The following ABCB6 variants were observed in gnomAD, a reference collection of about 807,000 sequenced individuals.
The protein encoded by ABCB6 is ATP-binding cassette sub-family B member 6.
In ABCB6, 87 loss-of-function variants were observed where a neutral mutation model predicts 99.4. That is an observed-to-expected ratio of 0.88 (90% CI 0.74 to 1.05). The LOEUF (loss-of-function observed/expected upper bound fraction) is 1.05. Ranked by LOEUF, ABCB6 falls within the 50% of genes least tolerant of loss-of-function variation. ABCB6 has a pLI of 0.00. For missense variants in ABCB6, 1,050 were observed against 1,097.9 expected (o/e 0.96, Z 0.62); for synonymous variants, 482 against 447.5 (o/e 1.08, Z -0.97).
intron 18 of ABCB6, 69 bp from the exon 19 acceptor site, chr2:219,210,115 C>G (rs1950556709): frequency 6.3e-7 from 1 of 1,598,408 alleles, no homozygotes; most frequent in South Asian, 1.1e-5. Flanking sequence ...CACCAGCCCA[C>G]AGAGAGGACG....
At position 219,216,201 on chromosome 2, in the gene ABCB6, C is replaced by T. The variant is rs1476371334; in HGVS notation, c.971-21G>A. On this transcript the variant is annotated intron_variant, in intron 4 of 18. Transcript: ENST00000265316. The surrounding 1 kb of genome is among the most constrained non-coding windows in gnomAD (Gnocchi z 4.2). ...GAAGCCTGCAGGGAGCCGGGGGACG[C>T]CTCAGTAGGGCCTGGGAGCTGAGGG... is the stretch of plus-strand genomic sequence containing the variant. 6.3e-7 allele frequency: 1 copy of T among 1,575,904 alleles called. No individual in the cohort carries two copies. Among genetic ancestry groups the T allele is most frequent in the Admixed American group, 1.8e-5 (1 of 56,742 alleles).
At chr2:219,211,669 CT>C (rs1950581198) in intron 14 of ABCB6, among the ~76,000 whole-genome samples, 3 of 128,822 alleles carry the variant, frequency 2.3e-5, no homozygotes, top group Admixed American at 8.5e-5. Context: ...GAGACAGGGC[CT>C]TGCTCTGTCA....
rs754628708 is a variant in ABCB6 at position 219,213,713 on chromosome 2, C to T, written c.1579-47G>A. 95 of 1,613,420 alleles carry T rather than the reference C, an allele frequency of 5.9e-5. No individual in the cohort carries two copies. In the East Asian group the frequency reaches 1.7e-3, roughly 28 times the overall value. On this transcript the variant is annotated intron_variant, in intron 9 of 18. Coordinates refer to ENST00000265316, the MANE Select transcript of ABCB6 (RefSeq NM_005689.4). The stretch of plus-strand genomic sequence containing the variant: ...AGCATGTCACGGGGGGCCTGCAGGC[C>T]GCTCTTCTTGTGTCACCCTGCCCAC...
intron 12 of ABCB6, 82 bp from the exon 13 acceptor site, chr2:219,213,147 C>T (rs750467585): frequency 6.2e-7 from 1 of 1,604,566 alleles, no homozygotes; most frequent in Non-Finnish European, 8.5e-7. Flanking sequence ...CCTGCCCAGG[C>T]TCTTTTCCAA....
Position 219,218,725 on chromosome 2 carries a change from G to T in ABCB6, c.-52C>A. On this transcript the variant is annotated 5_prime_UTR_variant, in exon 1 of 19. Transcript: ENST00000265316. ...TGCGGGCACTGCGGGACCGGAGGCC[G>T]GGACTGGTCACTCGGAGAGGGGCGC... 6.7e-7 allele frequency: 1 copy of T among 1,489,930 alleles called. No individual in the cohort carries two copies. The allele number at this position is 1,489,930 out of a possible 1,614,324, so 92.3% of individuals were successfully genotyped here. A position where few individuals can be genotyped will look rare whatever the true frequency, so the allele number is the denominator to read the frequency against.
chr2:219,218,837 C>T lies in ABCB6; in HGVS notation c.-164G>A. On this transcript the variant is annotated 5_prime_UTR_variant, in exon 1 of 19. Coordinates refer to ENST00000265316, the MANE Select transcript of ABCB6 (RefSeq NM_005689.4). ...GGGACGCACGTGGACCAGGCCTCAC[C>T]GCCCACTCCCCTAGCGCACGCGCCG... 1.4e-6 allele frequency: 1 copy of T among 716,894 alleles called. No homozygotes were observed. The highest frequency in any genetic ancestry group is 2.2e-6 in the Non-Finnish European group (1 of 464,664). 44.4% of individuals were successfully genotyped at this position (716,894 alleles called of 1,614,324 possible).
At position 219,216,783 on chromosome 2, in the gene ABCB6, A is replaced by G; in HGVS notation, c.737T>C (p.Leu246Pro). The G allele has an allele frequency of 6.2e-7, 1 of 1,612,770 alleles. No homozygotes were observed. The highest frequency in any genetic ancestry group is 8.5e-7 in the Non-Finnish European group (1 of 1,179,644). The change falls in exon 3 of 19, where the codon CTC (leucine) becomes CCC (proline). Residue 246 changes from leucine to proline, a missense_variant. Physicochemically the swap from Leu to Pro is moderately conservative, Grantham distance 98. Transcript: ENST00000265316. This position sits in a 1 kb window ranked among gnomAD's most constrained non-coding sequence, Gnocchi z 4.2. Reference protein sequence around the residue: ...QSTWRDFGRKLRLLSGYLWPR... With the variant: ...QSTWRDFGRKPRLLSGYLWPR... ...CCACAGGTAGCCACTCAGGAGGCGG[A>G]GCTTCCTGCCAAAATCTCGCCAGGT...
chr2:219,217,113 C>A (rs1458922536), intron 2 of ABCB6, among the ~76,000 whole-genome samples: 1 of 152,182 alleles, frequency 6.6e-6, no homozygotes, highest in East Asian at 1.9e-4. Flanking sequence ...AATCCCAGCA[C>A]TTTGGGAGTC....
At position 219,216,162 on chromosome 2, in the gene ABCB6, C is replaced by A; in HGVS notation, c.989G>T (p.Arg330Leu). 6.3e-7 allele frequency: 1 copy of A among 1,594,904 alleles called. No individual in the cohort carries two copies. Among genetic ancestry groups the A allele is most frequent in the East Asian group, 2.3e-5 (1 of 44,318 alleles). Reference sequence around the variant, plus strand: ...CTGCACCCGGATCCACAGGAAGGTGCGCAGGTTGCTCACGAAGCCTGCAGG... The same window carrying A: ...CTGCACCCGGATCCACAGGAAGGTGAGCAGGTTGCTCACGAAGCCTGCAGG... The part of the protein sequence containing the change: ...TGSTGFVSNL[R>L]TFLWIRVQQF... Residue 330 changes from arginine to leucine, a missense_variant, in exon 5 of 19, where the codon CGC becomes CTC. Coordinates refer to ENST00000265316, the MANE Select transcript of ABCB6 (RefSeq NM_005689.4). This position sits in a 1 kb window ranked among gnomAD's most constrained non-coding sequence, Gnocchi z 4.2.
In ABCB6 at chr2:219,217,792, A is replaced by T. The variant is rs758860238; in HGVS notation, c.565T>A (p.Trp189Arg). The T allele has an allele frequency of 5.0e-6, 8 of 1,612,190 alleles. No individual in the cohort carries two copies. The South Asian group carries it at 8.8e-5, about 18-fold the overall frequency. Residue 189 changes from tryptophan to arginine, a missense_variant, in exon 2 of 19, where the codon TGG (tryptophan) becomes AGG (arginine). Physicochemically the swap from Trp to Arg is moderately radical, Grantham distance 101. Coordinates refer to ENST00000265316, the MANE Select transcript of ABCB6 (RefSeq NM_005689.4). Reference sequence around the variant, plus strand: ...CCAGAGACCACATACCGCAGCACCCACAGGCTAAACTGAACCTAGAATGAA... The same window carrying T: ...CCAGAGACCACATACCGCAGCACCCTCAGGCTAAACTGAACCTAGAATGAA... ...DLGQQVQFSL[W>R]VLRYVVSGGL...
chr2:219,216,143 C>T lies in ABCB6; in HGVS notation c.1008G>A (p.Arg336=). 1 of 1,602,076 alleles carries T rather than the reference C, an allele frequency of 6.2e-7. No homozygotes were observed. Among genetic ancestry groups the T allele is most frequent in the African/African-American group, 1.3e-5 (1 of 74,830 alleles). ...VSNLRTFLWI[R]VQQFTSRRVE... ...CCCGCCGAGACGTGAACTGCTGCAC[C>T]CGGATCCACAGGAAGGTGCGCAGGT... is the stretch of plus-strand genomic sequence containing the variant. Residue 336 remains arginine, a synonymous_variant, in exon 5 of 19, where the codon CGG becomes CGA. Transcript: ENST00000265316. The surrounding 1 kb of genome is among the most constrained non-coding windows in gnomAD (Gnocchi z 4.2).
Position 219,213,464 on chromosome 2 carries a change from A to G in ABCB6, c.1694T>C (p.Phe565Ser), listed in dbSNP as rs201713868. 7.1e-5 allele frequency: 115 copies of G among 1,614,180 alleles called. 1 individual carries two copies. Among genetic ancestry groups the G allele is most frequent in the Middle Eastern group, 6.6e-4 (4 of 6,062 alleles). Residue 565 changes from phenylalanine to serine, a missense_variant, in exon 11 of 19, where the codon TTT (phenylalanine) becomes TCT (serine). Phe to Ser is a radical substitution (Grantham distance 155). Coordinates refer to ENST00000265316, the MANE Select transcript of ABCB6 (RefSeq NM_005689.4). ...QTNFIDMENMFDLLKEETEVK... is the reference protein window; with the variant it reads ...QTNFIDMENMSDLLKEETEVK... ...TTCTGTCTCCTCTTTCAGCAAGTCA[A>G]ACATGTTCTCCATGTCAATGAAGTT...
rs113009796 is a variant in ABCB6, at chr2:219,218,356, A to G, written c.318T>C (p.Tyr106=). ...TCTCCAGCACGGAGGCCAGAAGTAG[A>G]TAGCTTGGCAGTGGGGCCCCCCGGG... The part of the protein sequence containing the change: ...GTARGAPLPS[Y]LLLASVLESL... The change falls in exon 1 of 19, where the codon TAT becomes TAC. Residue 106 remains tyrosine, a synonymous_variant. Coordinates refer to ENST00000265316, the MANE Select transcript of ABCB6 (RefSeq NM_005689.4). 94 of 1,613,016 alleles carry G rather than the reference A, an allele frequency of 5.8e-5. 2 individuals are homozygous for G. The African/African-American group carries it at 7.3e-4, about 13-fold the overall frequency.
rs143439008 is a variant in ABCB6, at chr2:219,211,140, T to C, written c.1969-32A>G. 133 of 1,609,522 alleles carry C rather than the reference T, an allele frequency of 8.3e-5. No individual in the cohort carries two copies. In the East Asian group the frequency reaches 2.9e-3, roughly 35 times the overall value. On this transcript the variant is annotated intron_variant, in intron 14 of 18. Coordinates refer to ENST00000265316, the MANE Select transcript of ABCB6 (RefSeq NM_005689.4). ...CCAAAAGACCACACACTCTGCCTTA[T>C]GAGATACCCCCAAGGCCTGGGAGGC...
Position 219,218,719 on chromosome 2 carries a change from G to A in ABCB6, c.-46C>T. 6.6e-7 allele frequency: 1 copy of A among 1,503,786 alleles called. No individual in the cohort carries two copies. Among genetic ancestry groups the A allele is most frequent in the African/African-American group, 1.4e-5 (1 of 71,834 alleles). 93.2% of individuals were successfully genotyped at this position (1,503,786 alleles called of 1,614,324 possible). ...CGAGGCTGCGGGCACTGCGGGACCG[G>A]AGGCCGGGACTGGTCACTCGGAGAG... On this transcript the variant is annotated 5_prime_UTR_variant, in exon 1 of 19. Coordinates refer to ENST00000265316, the MANE Select transcript of ABCB6 (RefSeq NM_005689.4).
In ABCB6 at chr2:219,210,703, G is replaced by A; in HGVS notation, c.2256+8C>T. ...GGCAGGAAGGAGGGGAGGAGACCCA[G>A]GGCGCACCTCATCCAGCAGAATGAT... On this transcript the variant is annotated splice_region_variant and intron_variant, in intron 16 of 18. Transcript: ENST00000265316. The A allele has an allele frequency of 2.5e-6, 4 of 1,613,548 alleles. No individual in the cohort carries two copies. Among genetic ancestry groups the A allele is most frequent in the Non-Finnish European group, 2.5e-6 (3 of 1,179,982 alleles).
At chr2:219,210,544 G>A in intron 16 of ABCB6, 69 bp from the exon 17 acceptor site, 1 of 1,595,410 alleles carries the variant, frequency 6.3e-7, no homozygotes, top group Non-Finnish European at 8.6e-7. Flanking sequence ...GCAGGCTGCT[G>A]GCTGAGGCCT....
In ABCB6 at chr2:219,213,371, T is replaced by A. The variant is rs201104334; in HGVS notation, c.1720-45A>T. The A allele has an allele frequency of 1.0e-4, 165 of 1,613,740 alleles. No homozygotes were observed. The African/African-American group carries it at 2.1e-3, about 21-fold the overall frequency. ...GTGTGCTGAGGTTCTCAGCTTTGTG[T>A]TTTCCAAGCACGAGAAACACCACAC... is the stretch of plus-strand genomic sequence containing the variant. On this transcript the variant is annotated intron_variant, in intron 11 of 18. Coordinates refer to ENST00000265316, the MANE Select transcript of ABCB6 (RefSeq NM_005689.4).
rs1317363574 is a variant in ABCB6 at position 219,211,162 on chromosome 2, A to G, written c.1969-54T>C. 73 of 1,598,042 alleles carry G rather than the reference A, an allele frequency of 4.6e-5. No homozygotes were observed. In the South Asian group the frequency reaches 5.8e-4, roughly 13 times the overall value. On this transcript the variant is annotated intron_variant, in intron 14 of 18. Coordinates refer to ENST00000265316, the MANE Select transcript of ABCB6 (RefSeq NM_005689.4). Reference sequence around the variant, plus strand: ...TTATGAGATACCCCCAAGGCCTGGGAGGCAGGGTGGGCTGGCCGGAAGCAC... The same window carrying G: ...TTATGAGATACCCCCAAGGCCTGGGGGGCAGGGTGGGCTGGCCGGAAGCAC...
Sources: allele counts gnomAD v4.1 joint callset (sites outside exome capture counted in the v4.1 genomes callset), GRCh38; gene constraint gnomAD v4.1.1; non-coding constraint Gnocchi (gnomAD v3.1); transcripts MANE v1.5; gene names NCBI Gene and HGNC (gene_info 2026-07-23, HGNC 2026-07-21).